The following PDE1A variants were observed in gnomAD, a reference collection of about 807,000 sequenced individuals.
The protein encoded by PDE1A is dual specificity calcium/calmodulin-dependent 3',5'-cyclic nucleotide phosphodiesterase 1A.
In PDE1A, 35 loss-of-function variants were observed where a neutral mutation model predicts 61.7. The observed-to-expected ratio is 0.57, with a 90% confidence interval of 0.43 to 0.75. The LOEUF (loss-of-function observed/expected upper bound fraction) is 0.75, where lower values mean the gene tolerates loss of function less well. PDE1A is among the 30% of genes least tolerant of loss of function. The pLI, the probability that PDE1A is intolerant of heterozygous loss-of-function variation, is 0.00. For missense variants in PDE1A, 597 were observed against 630.6 expected (o/e 0.95, Z 0.57); for synonymous variants, 232 against 213.2 (o/e 1.09, Z -0.77).
At chr2:182,539,632 G>A in the PDE1A span, among the ~76,000 whole-genome samples, 1 of 152,184 alleles carries the variant, frequency 6.6e-6, no homozygotes, top group African/African-American at 2.4e-5. Context: ...ATCCCATACT[G>A]AAAGTCTTCA....
chr2:182,609,165 A>T, the PDE1A span, among the ~76,000 whole-genome samples: 1 of 152,024 alleles, frequency 6.6e-6, no homozygotes, highest in African/African-American at 2.4e-5. Flanking sequence ...ACCAATCGAC[A>T]CTCTGTATCT....
chr2:182,565,796 A>T, the PDE1A span, among the ~76,000 whole-genome samples: 2 of 152,312 alleles, frequency 1.3e-5, no homozygotes, highest in East Asian at 3.9e-4. Context: ...AAGTTCTTCC[A>T]GGAATTGAAC....
intron 1 of PDE1A, among the ~76,000 whole-genome samples, chr2:182,308,807 A>G (rs543549020): frequency 6.6e-6 from 1 of 152,218 alleles, no homozygotes; most frequent in Admixed American, 6.5e-5. Flanking sequence ...TTCTTTCCTT[A>G]TAAAGTGCAG....
intron 10 of PDE1A, among the ~76,000 whole-genome samples, chr2:182,192,553 G>A (rs1338226503): frequency 6.6e-6 from 1 of 151,958 alleles, no homozygotes; most frequent in African/African-American, 2.4e-5. Flanking sequence ...CCAGGATAAG[G>A]AATATTTATT....
At chr2:182,516,622 G>C (rs1426212762) in intron 2 of PDE1A, among the ~76,000 whole-genome samples, 1 of 150,326 alleles carries the variant, frequency 6.7e-6, no homozygotes, top group Non-Finnish European at 1.5e-5. Flanking sequence ...CACTGCACCA[G>C]AGTGAGATCC....
At chr2:182,528,484 A>G in the PDE1A span, among the ~76,000 whole-genome samples, 1 of 152,218 alleles carries the variant, frequency 6.6e-6, no homozygotes, top group Non-Finnish European at 1.5e-5. Flanking sequence ...ACAGAGCATA[A>G]AAGTTTGGAA....
At chr2:182,252,778 G>A (rs1023002234) in intron 2 of PDE1A, among the ~76,000 whole-genome samples, 1 of 152,168 alleles carries the variant, frequency 6.6e-6, no homozygotes, top group Non-Finnish European at 1.5e-5. Flanking sequence ...GTCCCTGTGT[G>A]GAACTGACTA....
chr2:182,652,505 C>T, the PDE1A span, among the ~76,000 whole-genome samples: 1 of 152,116 alleles, frequency 6.6e-6, no homozygotes, highest in Non-Finnish European at 1.5e-5. Context: ...GGCAAGATGT[C>T]GTCACTGCAA....
At chr2:182,483,858 A>C in intron 2 of PDE1A, among the ~76,000 whole-genome samples, 1 of 151,922 alleles carries the variant, frequency 6.6e-6, no homozygotes, top group East Asian at 1.9e-4. Flanking sequence ...GATCAACAAA[A>C]CTATTTTACC....
At chr2:182,178,825 A>C (rs1347845497) in intron 13 of PDE1A, among the ~76,000 whole-genome samples, 1 of 152,084 alleles carries the variant, frequency 6.6e-6, no homozygotes, top group Non-Finnish European at 1.5e-5. Flanking sequence ...AGCTGTGGCA[A>C]GCAAAGATGT....
At chr2:182,452,817 A>C (rs1001332940) in intron 2 of PDE1A, among the ~76,000 whole-genome samples, 7 of 152,110 alleles carry the variant, frequency 4.6e-5, no homozygotes, top group African/African-American at 1.7e-4. Context: ...GTGGTTAAAC[A>C]CCATGGCAAA....
chr2:182,630,852 C>T, the PDE1A span, among the ~76,000 whole-genome samples: 5 of 152,054 alleles, frequency 3.3e-5, no homozygotes, highest in East Asian at 9.6e-4. Context: ...CATAAACACA[C>T]CAAAATTTCT....
chr2:182,680,558 T>C, the PDE1A span, among the ~76,000 whole-genome samples: 2 of 152,272 alleles, frequency 1.3e-5, no homozygotes, highest in Non-Finnish European at 2.9e-5. Context: ...TAAATGGCAC[T>C]TAATCTTAAA....
intron 1 of PDE1A, among the ~76,000 whole-genome samples, chr2:182,342,251 G>A (rs1454243361): frequency 1.3e-5 from 2 of 152,082 alleles, no homozygotes; most frequent in African/African-American, 2.4e-5. Flanking sequence ...TGTTGTTGTT[G>A]TTTGTTTTTA....
chr2:182,380,456 G>C lies in PDE1A; in HGVS notation c.53+46122C>G, dbSNP rs182868799. Among the ~76,000 whole-genome samples the C allele has an allele frequency of 2.0e-3, 310 of 152,014 alleles. 1 individual carries two copies. The highest frequency in any genetic ancestry group is 4.0e-3 in the Non-Finnish European group (273 of 67,958). On this transcript the variant is annotated intron_variant, in intron 1 of 13. Transcript: ENST00000351439. ...CCTAGCTTTCTGTCTCTCCTGCCCG[G>C]GTAAAATAGATCATGCCCTTTGCCC...
intron 2 of PDE1A, among the ~76,000 whole-genome samples, chr2:182,452,931 G>GA (rs1408854135): frequency 2.6e-5 from 4 of 152,056 alleles, no homozygotes; most frequent in Non-Finnish European, 5.9e-5. Context: ...TACTAGCCAA[G>GA]AAAAAAGAAC....
intron 13 of PDE1A, among the ~76,000 whole-genome samples, chr2:182,151,269 GT>G (rs572938765): frequency 2.0e-5 from 3 of 151,778 alleles, no homozygotes; most frequent in Non-Finnish European, 4.4e-5. Flanking sequence ...TTTGTTTTTT[GT>G]TTTTTTGCAT....
At chr2:182,364,485 A>C (rs905754370) in intron 1 of PDE1A, among the ~76,000 whole-genome samples, 2 of 146,692 alleles carry the variant, frequency 1.4e-5, no homozygotes, top group African/African-American at 2.5e-5. Flanking sequence ...AAAAAAAAAA[A>C]AAAAAAAAAA....
the PDE1A span, among the ~76,000 whole-genome samples, chr2:182,562,034 T>A: frequency 1.7e-4 from 26 of 150,856 alleles, no homozygotes; most frequent in African/African-American, 6.3e-4. Flanking sequence ...TTTTCCTAAT[T>A]GAATACCCTT....
Sources: allele counts gnomAD v4.1 joint callset (sites outside exome capture counted in the v4.1 genomes callset), GRCh38; gene constraint gnomAD v4.1.1; transcripts MANE v1.5; gene names NCBI Gene and HGNC (gene_info 2026-07-23, HGNC 2026-07-21).